Variants in OSBPL10 observed in about 807,000 individuals in gnomAD.
OSBPL10 encodes the protein oxysterol binding protein like 10.
Under a neutral mutation model 81.7 loss-of-function variants are expected in OSBPL10, and 49 were observed. That is an observed-to-expected ratio of 0.60 (90% CI 0.48 to 0.76). The LOEUF (loss-of-function observed/expected upper bound fraction) is 0.76. Ranked by LOEUF, OSBPL10 falls within the 30% of genes least tolerant of loss-of-function variation. The probability of loss-of-function intolerance (pLI) is 0.00; values close to 1 mark genes in which losing one functional copy is unlikely to be tolerated. For missense variants in OSBPL10, 923 were observed against 987.8 expected, an observed-to-expected ratio of 0.93 and a Z score of 0.88; for synonymous variants, 419 against 383.6, an observed-to-expected ratio of 1.09 and a Z score of -1.08.
intron 7 of OSBPL10, among the ~76,000 whole-genome samples, chr3:31,689,820 C>T (rs1465466277): frequency 3.3e-5 from 5 of 152,100 alleles, no homozygotes; most frequent in South Asian, 2.1e-4. Flanking sequence ...ACTATAAGTC[C>T]GTTAAACCTC....
chr3:32,050,391 C>T (rs1699660543), intron 1 of OSBPL10, among the ~76,000 whole-genome samples: 1 of 152,194 alleles, frequency 6.6e-6, no homozygotes, highest in African/African-American at 2.4e-5. Flanking sequence ...TCTGTGTGAT[C>T]TTTGCCATTT....
intron 5 of OSBPL10, among the ~76,000 whole-genome samples, chr3:31,736,886 G>T (rs1697190843): frequency 6.6e-6 from 1 of 152,258 alleles, no homozygotes; most frequent in East Asian, 1.9e-4. Flanking sequence ...AACACAGTAA[G>T]ACCCTGTCTT....
intron 4 of OSBPL10, among the ~76,000 whole-genome samples, chr3:31,763,434 T>C (rs891423563): frequency 6.6e-6 from 1 of 152,198 alleles, no homozygotes; most frequent in African/African-American, 2.4e-5. Context: ...TGTTCACTCA[T>C]ACTCCACACA....
chr3:31,664,377 C>T (rs976375904), intron 10 of OSBPL10, 145 bp from the exon 11 acceptor site: 11 of 733,052 alleles, frequency 1.5e-5, no homozygotes, highest in South Asian at 7.3e-5. Flanking sequence ...TCAAAGACCC[C>T]GAGAGCCTAG....
chr3:31,803,847 T>C (rs959849061), intron 4 of OSBPL10, among the ~76,000 whole-genome samples: 1 of 152,248 alleles, frequency 6.6e-6, no homozygotes, highest in Non-Finnish European at 1.5e-5. Context: ...AGAGGTGATG[T>C]TGTACCTTCT....
At chr3:31,761,577 G>C (rs989592220) in intron 4 of OSBPL10, among the ~76,000 whole-genome samples, 6 of 151,978 alleles carry the variant, frequency 3.9e-5, no homozygotes, top group Non-Finnish European at 7.4e-5. Context: ...AGCACTTTGG[G>C]AGGCCGAAGT....
At chr3:31,948,925 G>A (rs568218860) in intron 1 of OSBPL10, among the ~76,000 whole-genome samples, 3 of 152,148 alleles carry the variant, frequency 2.0e-5, no homozygotes, top group Non-Finnish European at 2.9e-5. Flanking sequence ...CCAGAGTAGC[G>A]AAATTAACTT....
intron 1 of OSBPL10, among the ~76,000 whole-genome samples, chr3:32,072,713 C>G (rs183363601): frequency 4.1e-4 from 63 of 152,252 alleles, no homozygotes; most frequent in African/African-American, 1.5e-3. Context: ...GGGGATTCAC[C>G]CTCGCCCAGG....
At chr3:31,943,962 C>T (rs763047857) in intron 1 of OSBPL10, among the ~76,000 whole-genome samples, 2 of 70,240 alleles carry the variant, frequency 2.8e-5, no homozygotes, top group Non-Finnish European at 4.5e-5. Flanking sequence ...AGGAAGACTC[C>T]GTCTCAAAAA....
At chr3:31,966,814 G>A (rs999645879) in intron 1 of OSBPL10, among the ~76,000 whole-genome samples, 1 of 152,072 alleles carries the variant, frequency 6.6e-6, no homozygotes, top group African/African-American at 2.4e-5. Context: ...TACTAAACAC[G>A]ATATCTGGAT....
chr3:31,672,369 G>GA (rs1326097236), intron 8 of OSBPL10, among the ~76,000 whole-genome samples: 1 of 117,856 alleles, frequency 8.5e-6, no homozygotes, highest in Non-Finnish European at 1.8e-5. Flanking sequence ...GGCGGGGGGG[G>GA]GGGCAGGAGG....
At chr3:32,019,326 C>T (rs557102586) in intron 2 of OSBPL10, among the ~76,000 whole-genome samples, 1 of 152,268 alleles carries the variant, frequency 6.6e-6, no homozygotes, top group Non-Finnish European at 1.5e-5. Flanking sequence ...GCTCCATACT[C>T]TAGAGGCTAC....
chr3:31,976,752 C>T (rs1698703582), intron 1 of OSBPL10, among the ~76,000 whole-genome samples: 1 of 152,186 alleles, frequency 6.6e-6, no homozygotes, highest in Non-Finnish European at 1.5e-5. Flanking sequence ...CCAATGCACC[C>T]AGCCTTGTCT....
chr3:31,978,408 G>C (rs4502621), intron 1 of OSBPL10, among the ~76,000 whole-genome samples: 12,534 of 152,196 alleles, frequency 0.082, 1,060 homozygotes, highest in East Asian at 0.48. Flanking sequence ...AAAACAGTCT[G>C]TGAATAGATA....
At chr3:31,953,874 G>A (rs972577527) in intron 1 of OSBPL10, among the ~76,000 whole-genome samples, 1 of 152,222 alleles carries the variant, frequency 6.6e-6, no homozygotes, top group Admixed American at 6.5e-5. Flanking sequence ...ACAGAGAAAT[G>A]AAAGAGGAGG....
rs79403638 is a variant in OSBPL10, at chr3:32,058,604, G to T, written n.186-12001C>A. ...GGCCTCCCAAAGTGCTGACATTACA[G>T]GCATGAGCCACCCCACCCAGCCTGA... On this transcript the variant is annotated intron_variant and non_coding_transcript_variant, in intron 1 of 3. Coordinates refer to the OSBPL10 transcript ENST00000479173. Among the ~76,000 whole-genome samples the T allele has an allele frequency of 4.8e-3, 732 of 152,260 alleles. 17 individuals are homozygous for T. The East Asian group carries it at 0.088, about 18-fold the overall frequency.
At chr3:32,036,616 T>C (rs752421267) in intron 2 of OSBPL10, among the ~76,000 whole-genome samples, 22 of 152,178 alleles carry the variant, frequency 1.4e-4, no homozygotes, top group Non-Finnish European at 2.6e-4. Context: ...CTTGCCAAAA[T>C]CTGAGAGACG....
At chr3:31,707,509 G>C (rs552272587) in intron 6 of OSBPL10, 1 of 152,326 alleles carries the variant, frequency 6.6e-6, no homozygotes, top group South Asian at 2.1e-4. Context: ...AACTTGGCAA[G>C]GAGGCACTGG....
At chr3:31,962,478 A>C (rs1698197421) in intron 1 of OSBPL10, among the ~76,000 whole-genome samples, 1 of 152,204 alleles carries the variant, frequency 6.6e-6, no homozygotes, top group Non-Finnish European at 1.5e-5. Flanking sequence ...ACACTTACAA[A>C]TGGTTAAAAT....
Sources: allele counts gnomAD v4.1 joint callset (sites outside exome capture counted in the v4.1 genomes callset), GRCh38; gene constraint gnomAD v4.1.1; transcripts MANE v1.5; gene names NCBI Gene and HGNC (gene_info 2026-07-23, HGNC 2026-07-21).